Variants in GALNT18 observed in about 807,000 individuals in gnomAD.
The protein encoded by GALNT18 is GalNAc-transferase 18.
In GALNT18, 44 loss-of-function variants were observed where a neutral mutation model predicts 69.5. That is an observed-to-expected ratio of 0.63 (90% confidence interval 0.50 to 0.81). GALNT18 has a LOEUF of 0.81. Among genes scored for constraint, GALNT18 ranks in the 40% least tolerant of loss-of-function variants. GALNT18 has a pLI of 0.00. For missense variants in GALNT18, 715 were observed against 810.0 expected (o/e 0.88, Z 1.42); for synonymous variants, 364 against 318.2 (o/e 1.14, Z -1.53).
Position 11,382,152 on chromosome 11 carries a change from C to T in GALNT18, c.596-2888G>A, listed in dbSNP as rs564366809. 6.6e-6 allele frequency among the ~76,000 whole-genome samples: 1 copy of T among 152,220 alleles called. No homozygotes were observed. The highest frequency in any genetic ancestry group is 2.1e-4 in the South Asian group (1 of 4,808). ...GACCAGATAGTAGAAAAATTCCATC[C>T]CCAGTTAGTTGCATCCCAAACATGT... is the stretch of plus-strand genomic sequence containing the variant. On this transcript the variant is annotated intron_variant, in intron 3 of 10. Transcript: ENST00000227756. This position sits in a 1 kb window ranked among gnomAD's most constrained non-coding sequence, Gnocchi z 4.3.
At chr11:11,579,509 A>T (rs948667346) in intron 1 of GALNT18, among the ~76,000 whole-genome samples, 3 of 152,102 alleles carry the variant, frequency 2.0e-5, no homozygotes, top group Admixed American at 6.5e-5. Context: ...TTGAGGTGGG[A>T]GTTTCTATCC....
intron 6 of GALNT18, among the ~76,000 whole-genome samples, chr11:11,364,365 AC>A (rs1850709477): frequency 6.6e-6 from 1 of 152,234 alleles, no homozygotes; most frequent in Non-Finnish European, 1.5e-5. Flanking sequence ...GAACACACAT[AC>A]TGTCTATGAA....
chr11:11,596,153 TTTAAA>T lies in GALNT18; in HGVS notation c.235+25201_235+25205del, dbSNP rs1479232845. On this transcript the variant is annotated intron_variant, in intron 1 of 10. Coordinates refer to ENST00000227756, the MANE Select transcript of GALNT18 (RefSeq NM_198516.3). The surrounding 1 kb of genome is among the most constrained non-coding windows in gnomAD (Gnocchi z 4.2). ...TGTTAAAAGACTATTCTTTCCCCCCTTTAAATTGTTTGAGCATCCTTATCAAAATA... is the reference window on the plus strand; with the variant it reads ...TGTTAAAAGACTATTCTTTCCCCCCTTTGTTTGAGCATCCTTATCAAAATA... 6.6e-6 allele frequency among the ~76,000 whole-genome samples: 1 copy of T among 152,202 alleles called. No individual in the cohort carries two copies. Among genetic ancestry groups the T allele is most frequent in the Non-Finnish European group, 1.5e-5 (1 of 68,020 alleles).
intron 10 of GALNT18, among the ~76,000 whole-genome samples, chr11:11,276,220 T>G (rs1406724989): frequency 2.0e-5 from 3 of 152,242 alleles, no homozygotes; most frequent in East Asian, 1.9e-4. Flanking sequence ...AGCAGTGCTT[T>G]GTAGTTCTCC....
At chr11:11,519,807 C>T (rs994401524) in intron 1 of GALNT18, among the ~76,000 whole-genome samples, 30 of 152,322 alleles carry the variant, frequency 2.0e-4, no homozygotes, top group African/African-American at 7.2e-4. Flanking sequence ...AACCTGGAGG[C>T]CTGCTCTGGG....
intron 9 of GALNT18, among the ~76,000 whole-genome samples, chr11:11,302,369 C>G (rs1849510893): frequency 6.6e-6 from 1 of 152,160 alleles, no homozygotes; most frequent in Admixed American, 6.5e-5. Context: ...CTGGGTGTGT[C>G]TCTAGGGACC....
intron 9 of GALNT18, among the ~76,000 whole-genome samples, chr11:11,305,997 G>A (rs1020391744): frequency 2.0e-5 from 3 of 152,102 alleles, no homozygotes; most frequent in African/African-American, 7.2e-5. Flanking sequence ...GCCAGTTTTG[G>A]ACCTTGGACA....
intron 1 of GALNT18, among the ~76,000 whole-genome samples, chr11:11,492,768 G>T (rs569346893): frequency 4.7e-4 from 71 of 152,014 alleles, no homozygotes; most frequent in South Asian, 1.7e-3. Context: ...CAAGGGGAGG[G>T]AGAGTATTAG....
intron 9 of GALNT18, among the ~76,000 whole-genome samples, chr11:11,304,408 C>A (rs183037636): frequency 5.3e-5 from 8 of 152,294 alleles, no homozygotes; most frequent in Admixed American, 5.2e-4. Context: ...ATCTCAAACA[C>A]CAGATATCTG....
At chr11:11,353,181 C>T (rs1850455337) in intron 6 of GALNT18, 1 of 1,602,190 alleles carries the variant, frequency 6.2e-7, no homozygotes, top group Non-Finnish European at 8.5e-7. Context: ...TCACTGTGTT[C>T]AGAAGCAGCT....
At chr11:11,455,647 G>C (rs1289340885) in intron 1 of GALNT18, among the ~76,000 whole-genome samples, 1 of 151,860 alleles carries the variant, frequency 6.6e-6, no homozygotes, top group Non-Finnish European at 1.5e-5. Context: ...AGCAGGCTGG[G>C]GGTAGCCCAT....
intron 1 of GALNT18, among the ~76,000 whole-genome samples, chr11:11,477,419 A>G (rs1240184192): frequency 6.6e-6 from 1 of 152,202 alleles, no homozygotes; most frequent in Non-Finnish European, 1.5e-5. Flanking sequence ...CAATCACAAT[A>G]GAAGAGTCAT....
chr11:11,617,904 T>C lies in GALNT18; in HGVS notation c.235+3455A>G, dbSNP rs1408775572. On this transcript the variant is annotated intron_variant, in intron 1 of 10. Coordinates refer to ENST00000227756, the MANE Select transcript of GALNT18 (RefSeq NM_198516.3). The surrounding 1 kb of genome is among the most constrained non-coding windows in gnomAD (Gnocchi z 4.7). The stretch of plus-strand genomic sequence containing the variant: ...CTGACCCTTACTAACATTTACTTTG[T>C]GTTTCTAAACCCCCAGGATGCTTTT... Among the ~76,000 whole-genome samples, 1 of 152,190 alleles carries C rather than the reference T, an allele frequency of 6.6e-6. No individual in the cohort carries two copies. The highest frequency in any genetic ancestry group is 1.5e-5 in the Non-Finnish European group (1 of 68,032).
Position 11,511,992 on chromosome 11 carries a change from T to C in GALNT18, c.236-63056A>G, listed in dbSNP as rs77600129. Among the ~76,000 whole-genome samples, 1,583 of 152,318 alleles carry C rather than the reference T, an allele frequency of 0.01. 12 individuals are homozygous for C. Among genetic ancestry groups the C allele is most frequent in the Non-Finnish European group, 0.017 (1,177 of 68,024 alleles). On this transcript the variant is annotated intron_variant, in intron 1 of 10. Coordinates refer to ENST00000227756, the MANE Select transcript of GALNT18 (RefSeq NM_198516.3). The surrounding 1 kb of genome is among the most constrained non-coding windows in gnomAD (Gnocchi z 4.9). ...ATATGTATGCATACCATCATATGTA[T>C]ACACATGTCTACATATATACACACA...
chr11:11,458,321 C>T (rs974041556), intron 1 of GALNT18, among the ~76,000 whole-genome samples: 4 of 152,208 alleles, frequency 2.6e-5, no homozygotes, highest in African/African-American at 9.6e-5. Flanking sequence ...TTCCACTCCT[C>T]ATTTTAAAAG....
intron 5 of GALNT18, among the ~76,000 whole-genome samples, chr11:11,376,738 AGCCATCTTCTACTC>A (rs914760682): frequency 6.6e-5 from 10 of 151,918 alleles, no homozygotes; most frequent in Non-Finnish European, 1.2e-4. Flanking sequence ...TCCCCAACCT[AGCCATCTTCTACTC>A]GCCTTCAAAA....
At chr11:11,422,415 C>A (rs761352076) in intron 3 of GALNT18, among the ~76,000 whole-genome samples, 1 of 152,200 alleles carries the variant, frequency 6.6e-6, no homozygotes, top group Non-Finnish European at 1.5e-5. Flanking sequence ...TGAGGGTGAG[C>A]CAGCCTAGTT....
chr11:11,466,249 A>C (rs1856153630), intron 1 of GALNT18, among the ~76,000 whole-genome samples: 1 of 152,246 alleles, frequency 6.6e-6, no homozygotes, highest in Non-Finnish European at 1.5e-5. Context: ...ACTGATGTAG[A>C]TCAACGGACT....
At chr11:11,527,296 AC>A (rs1193294144) in intron 1 of GALNT18, among the ~76,000 whole-genome samples, 1 of 152,018 alleles carries the variant, frequency 6.6e-6, no homozygotes, top group Admixed American at 6.6e-5. Flanking sequence ...TATCTAAGAC[AC>A]TTTTTTGATC....
Sources: gnomAD v4.1 joint callset for allele counts (sites outside exome capture counted in the v4.1 genomes callset) on GRCh38, gnomAD v4.1.1 for gene constraint, Gnocchi (gnomAD v3.1) non-coding constraint, MANE v1.5 for transcripts, NCBI Gene and HGNC (gene_info 2026-07-23, HGNC 2026-07-21) for gene names.